Variants in PRKD1 observed in about 807,000 individuals in gnomAD.
PRKD1 encodes serine/threonine-protein kinase D1.
A neutral mutation model predicts 95.9 loss-of-function variants in PRKD1; 63 were observed. The observed-to-expected ratio is 0.66, with a 90% confidence interval of 0.54 to 0.81. PRKD1 has a LOEUF of 0.81. Ranked by LOEUF, PRKD1 falls within the 30% of genes least tolerant of loss-of-function variation. The pLI, the probability that PRKD1 is intolerant of heterozygous loss-of-function variation, is 0.00. For missense variants in PRKD1, 1,048 were observed against 1,165.3 expected (o/e 0.90, Z 1.47); for synonymous variants, 425 against 423.1 (o/e 1.00, Z -0.05).
intron 13 of PRKD1, among the ~76,000 whole-genome samples, chr14:29,613,828 A>G (rs564167727): frequency 6.6e-6 from 1 of 152,316 alleles, no homozygotes; most frequent in Admixed American, 6.5e-5. Flanking sequence ...GCAGTCTCCA[A>G]TCTAAGGAAG....
In PRKD1 at chr14:29,886,267, G is replaced by A. The variant is rs183979463; in HGVS notation, c.264+40982C>T. 1.2e-3 allele frequency among the ~76,000 whole-genome samples: 178 copies of A among 152,282 alleles called. 3 individuals are homozygous for A. The highest frequency in any genetic ancestry group is 4.2e-3 in the African/African-American group (174 of 41,550). On this transcript the variant is annotated intron_variant, in intron 1 of 17. Coordinates refer to ENST00000331968, the MANE Select transcript of PRKD1 (RefSeq NM_002742.3). Reference sequence around the variant, plus strand: ...ATCAACAAAATTTCAGAGTTTACCTGGTATGTTCAACAGCTCAAACTGCTT... The same window carrying A: ...ATCAACAAAATTTCAGAGTTTACCTAGTATGTTCAACAGCTCAAACTGCTT...
intron 2 of PRKD1, among the ~76,000 whole-genome samples, chr14:29,674,405 T>G (rs1883037226): frequency 1.3e-5 from 2 of 152,078 alleles, no homozygotes; most frequent in Non-Finnish European, 2.9e-5. Flanking sequence ...CAATTAACAG[T>G]TGGGAATTGC....
chr14:29,712,064 A>G (rs183535133), intron 2 of PRKD1, among the ~76,000 whole-genome samples: 38 of 152,302 alleles, frequency 2.5e-4, no homozygotes, highest in African/African-American at 8.7e-4. Context: ...GTTTCAGAAC[A>G]AGTATGTCTA....
At chr14:29,911,979 C>G (rs1894730840) in intron 1 of PRKD1, among the ~76,000 whole-genome samples, 1 of 152,172 alleles carries the variant, frequency 6.6e-6, no homozygotes, top group South Asian at 2.1e-4. Context: ...CCTCTTACAG[C>G]CTATTTAATT....
At chr14:29,645,130 T>C (rs1449841929) in intron 4 of PRKD1, among the ~76,000 whole-genome samples, 1 of 152,166 alleles carries the variant, frequency 6.6e-6, no homozygotes, top group African/African-American at 2.4e-5. Flanking sequence ...TATGCTAATA[T>C]AGAAAACAGT....
chr14:29,907,745 T>C (rs979315282), intron 1 of PRKD1, among the ~76,000 whole-genome samples: 3 of 152,226 alleles, frequency 2.0e-5, no homozygotes. Context: ...CATATTTGTG[T>C]CTAAAAATAA....
intron 1 of PRKD1, among the ~76,000 whole-genome samples, chr14:29,868,921 T>G (rs1385603954): frequency 6.6e-6 from 1 of 152,060 alleles, no homozygotes; most frequent in Non-Finnish European, 1.5e-5. Flanking sequence ...ATAATTTATA[T>G]CTCTAGTAAA....
At position 29,658,434 on chromosome 14, in the gene PRKD1, T is replaced by C. The variant is rs149434990; in HGVS notation, c.696+5265A>G. On this transcript the variant is annotated intron_variant, in intron 4 of 17. Transcript: ENST00000331968. ...TAATTATGCATAATGACTCCTAGGA[T>C]GTCCAAAATTTGGATGAACCAAGAA... Among the ~76,000 whole-genome samples, 85 of 152,314 alleles carry C rather than the reference T, an allele frequency of 5.6e-4. No homozygotes were observed. In the Middle Eastern group the frequency reaches 0.01, roughly 18 times the overall value.
At chr14:29,713,820 T>C (rs2139363084) in intron 2 of PRKD1, among the ~76,000 whole-genome samples, 1 of 152,280 alleles carries the variant, frequency 6.6e-6, no homozygotes, top group Middle Eastern at 3.4e-3. Context: ...ATCATAACCA[T>C]GACCAGTTCT....
chr14:29,859,741 A>C (rs1046723452), intron 1 of PRKD1, among the ~76,000 whole-genome samples: 1 of 152,222 alleles, frequency 6.6e-6, no homozygotes, highest in Non-Finnish European at 1.5e-5. Flanking sequence ...TCGAACACAG[A>C]AAAGGAAATT....
intron 1 of PRKD1, among the ~76,000 whole-genome samples, chr14:29,851,178 T>C (rs1300882901): frequency 6.6e-6 from 1 of 152,138 alleles, no homozygotes; most frequent in Non-Finnish European, 1.5e-5. Context: ...AAAGAATTTA[T>C]GGCTAAGTCA....
At chr14:29,741,281 A>G (rs1235949690) in intron 1 of PRKD1, among the ~76,000 whole-genome samples, 1 of 152,210 alleles carries the variant, frequency 6.6e-6, no homozygotes, top group Non-Finnish European at 1.5e-5. Flanking sequence ...AAAAATAAAT[A>G]AAGTTCACCG....
At chr14:29,756,780 C>T (rs963742771) in intron 1 of PRKD1, among the ~76,000 whole-genome samples, 1 of 152,134 alleles carries the variant, frequency 6.6e-6, no homozygotes, top group Admixed American at 6.5e-5. Context: ...AGGTGGTAGC[C>T]CCAGATTGGG....
intron 1 of PRKD1, among the ~76,000 whole-genome samples, chr14:29,889,305 G>A (rs1893854143): frequency 6.6e-6 from 1 of 152,136 alleles, no homozygotes; most frequent in African/African-American, 2.4e-5. Context: ...AGTTCCCAGC[G>A]AGATTGACGC....
At chr14:29,887,211 G>A (rs1893742233) in intron 1 of PRKD1, among the ~76,000 whole-genome samples, 1 of 152,126 alleles carries the variant, frequency 6.6e-6, no homozygotes, top group South Asian at 2.1e-4. Context: ...AACCTTGACT[G>A]CCCTAAAGAT....
intron 1 of PRKD1, among the ~76,000 whole-genome samples, chr14:29,750,630 A>ACACACACT (rs1026776930): frequency 6.6e-6 from 1 of 151,840 alleles, no homozygotes; most frequent in African/African-American, 2.4e-5. Flanking sequence ...ACACACACAC[A>ACACACACT]CACACACTCA....
intron 16 of PRKD1, among the ~76,000 whole-genome samples, chr14:29,596,117 G>A (rs1039280553): frequency 7.9e-5 from 12 of 152,172 alleles, no homozygotes; most frequent in African/African-American, 2.7e-4. Context: ...GGATGTTAAA[G>A]GTTGTTGCTA....
At chr14:29,773,134 T>TAGTA (rs1215106567) in intron 1 of PRKD1, among the ~76,000 whole-genome samples, 1 of 152,214 alleles carries the variant, frequency 6.6e-6, no homozygotes, top group Non-Finnish European at 1.5e-5. Flanking sequence ...ACTATCATTT[T>TAGTA]AGACAACGCT....
At chr14:29,705,456 T>C (rs558042689) in intron 2 of PRKD1, among the ~76,000 whole-genome samples, 1 of 49,538 alleles carries the variant, frequency 2.0e-5, no homozygotes, top group Non-Finnish European at 4.0e-5. Context: ...CCAGATTCTG[T>C]TTTTTTTTTT....
Sources: allele counts gnomAD v4.1 joint callset (sites outside exome capture counted in the v4.1 genomes callset), GRCh38; gene constraint gnomAD v4.1.1; transcripts MANE v1.5; gene names NCBI Gene and HGNC (gene_info 2026-07-23, HGNC 2026-07-21).